GPC6: variants seen among roughly 807,000 people sequenced by gnomAD.
The protein encoded by GPC6 is glypican 6.
A neutral mutation model predicts 55.2 loss-of-function variants in GPC6; 14 were observed. That is an observed-to-expected ratio of 0.25 (90% CI 0.17 to 0.40). The LOEUF (loss-of-function observed/expected upper bound fraction) is 0.40. GPC6 is among the 10% of genes least tolerant of loss of function. The pLI is 1.00. For missense variants in GPC6, 641 were observed against 708.5 expected, an observed-to-expected ratio of 0.90 and a Z score of 1.08; for synonymous variants, 278 against 259.6, an observed-to-expected ratio of 1.07 and a Z score of -0.68.
At chr13:93,846,039 C>G (rs1413280878) in intron 3 of GPC6, among the ~76,000 whole-genome samples, 2 of 151,666 alleles carry the variant, frequency 1.3e-5, no homozygotes, top group Non-Finnish European at 2.9e-5. Context: ...AAGAAGAAAA[C>G]TCTACTATTT....
intron 4 of GPC6, among the ~76,000 whole-genome samples, chr13:94,121,076 A>G (rs74105731): frequency 0.024 from 3,662 of 152,186 alleles, 66 homozygotes; most frequent in South Asian, 0.08. Context: ...GAAAATGTTA[A>G]TGGAGAATCA....
intron 4 of GPC6, among the ~76,000 whole-genome samples, chr13:94,122,041 G>T (rs1463140222): frequency 1.3e-5 from 2 of 152,014 alleles, no homozygotes; most frequent in African/African-American, 4.8e-5. Context: ...TAGTTTATGG[G>T]GCACCCTAAA....
intron 2 of GPC6, among the ~76,000 whole-genome samples, chr13:93,703,233 G>A (rs1433120211): frequency 6.6e-6 from 1 of 151,876 alleles, no homozygotes; most frequent in Non-Finnish European, 1.5e-5. Flanking sequence ...CAAGGGAATG[G>A]TCAGTGAGTA....
chr13:94,225,370 C>A lies in GPC6; in HGVS notation c.878-60979C>A, dbSNP rs374218443. Among the ~76,000 whole-genome samples, 6 of 152,164 alleles carry A rather than the reference C, an allele frequency of 3.9e-5. No homozygotes were observed. In the South Asian group the frequency reaches 6.2e-4, roughly 16 times the overall value. ...TCAGCCTTCGTCCACCCAAGCTTTA[C>A]CATAAGTTTGATATTTGTTCTTTCT... On this transcript the variant is annotated intron_variant, in intron 4 of 8. Coordinates refer to ENST00000377047, the MANE Select transcript of GPC6 (RefSeq NM_005708.5).
chr13:94,149,469 C>T (rs371643827), intron 4 of GPC6, among the ~76,000 whole-genome samples: 26 of 152,226 alleles, frequency 1.7e-4, no homozygotes, highest in African/African-American at 5.1e-4. Context: ...TAGAACATAA[C>T]TTAAGTGCGA....
At chr13:93,626,932 G>A (rs1276284712) in intron 2 of GPC6, among the ~76,000 whole-genome samples, 1 of 152,140 alleles carries the variant, frequency 6.6e-6, no homozygotes, top group Admixed American at 6.6e-5. Context: ...CATGGTAGAA[G>A]GCAAAGGGGG....
Position 93,692,170 on chromosome 13 carries a change from C to A in GPC6, c.320-137984C>A, listed in dbSNP as rs1487586779. 2.0e-5 allele frequency among the ~76,000 whole-genome samples: 3 copies of A among 152,140 alleles called. 1 individual carries two copies. Among genetic ancestry groups the A allele is most frequent in the African/African-American group, 4.8e-5 (2 of 41,546 alleles). On this transcript the variant is annotated intron_variant, in intron 2 of 8. Coordinates refer to ENST00000377047, the MANE Select transcript of GPC6 (RefSeq NM_005708.5). ...TGATTTTTCTGCTTCACTGTGTTGC[C>A]TTTTGCCCATGGAATAAGATGCGAC...
intron 4 of GPC6, among the ~76,000 whole-genome samples, chr13:94,164,679 A>G (rs1888287790): frequency 6.6e-6 from 1 of 152,204 alleles, no homozygotes; most frequent in Non-Finnish European, 1.5e-5. Flanking sequence ...TGATTTCTAC[A>G]GTGATAGAGC....
intron 1 of GPC6, among the ~76,000 whole-genome samples, chr13:93,521,056 T>C (rs551131121): frequency 1.3e-5 from 2 of 152,106 alleles, no homozygotes; most frequent in South Asian, 4.1e-4. Flanking sequence ...ACGTATATGT[T>C]AGATTTTGTA....
At chr13:93,795,450 C>G (rs9589837) in intron 2 of GPC6, among the ~76,000 whole-genome samples, 50,084 of 151,868 alleles carry the variant, frequency 0.33, 8,670 homozygotes, top group African/African-American at 0.43. Context: ...GTTTTCCTAG[C>G]CCTCACTCAA....
At chr13:93,562,227 A>C (rs1875850675) in intron 2 of GPC6, among the ~76,000 whole-genome samples, 1 of 152,102 alleles carries the variant, frequency 6.6e-6, no homozygotes, top group African/African-American at 2.4e-5. Flanking sequence ...AGAATGCAGT[A>C]GTTACAGAGC....
intron 2 of GPC6, among the ~76,000 whole-genome samples, chr13:93,688,128 C>T (rs936521496): frequency 6.6e-6 from 1 of 152,022 alleles, no homozygotes; most frequent in African/African-American, 2.4e-5. Flanking sequence ...GTCAACGTTT[C>T]AATTTATCAA....
At chr13:93,814,886 G>T (rs1265806926) in intron 2 of GPC6, among the ~76,000 whole-genome samples, 1 of 152,144 alleles carries the variant, frequency 6.6e-6, no homozygotes, top group Non-Finnish European at 1.5e-5. Context: ...ACCATCAGCA[G>T]TTCAAAAACA....
chr13:94,148,860 A>G (rs1040375432), intron 4 of GPC6, among the ~76,000 whole-genome samples: 2 of 152,126 alleles, frequency 1.3e-5, no homozygotes, highest in Non-Finnish European at 2.9e-5. Flanking sequence ...TAGAGTTTCA[A>G]TGACCTCATC....
chr13:93,821,555 G>C (rs1887047286), intron 2 of GPC6, among the ~76,000 whole-genome samples: 2 of 152,256 alleles, frequency 1.3e-5, no homozygotes, highest in African/African-American at 2.4e-5. Context: ...TACAAATTTA[G>C]GACATTGGGA....
At chr13:94,246,010 A>T (rs1161994505) in intron 4 of GPC6, among the ~76,000 whole-genome samples, 1 of 151,956 alleles carries the variant, frequency 6.6e-6, no homozygotes, top group African/African-American at 2.4e-5. Context: ...TTTTCTCCGC[A>T]CCCTTGACAA....
chr13:93,833,689 ACAG>A (rs898717092), intron 3 of GPC6, among the ~76,000 whole-genome samples: 12 of 152,172 alleles, frequency 7.9e-5, no homozygotes, highest in Non-Finnish European at 1.6e-4. Flanking sequence ...TTGGCAGAAC[ACAG>A]CAGTTTGACA....
intron 1 of GPC6, among the ~76,000 whole-genome samples, chr13:93,352,128 G>T (rs1272237952): frequency 6.6e-6 from 1 of 152,086 alleles, no homozygotes; most frequent in Non-Finnish European, 1.5e-5. Context: ...TCCCTTTTGA[G>T]GTGATAAGAA....
chr13:93,511,022 AT>A (rs1880949735), intron 1 of GPC6, among the ~76,000 whole-genome samples: 1 of 29,408 alleles, frequency 3.4e-5, no homozygotes, highest in African/African-American at 7.7e-5. Flanking sequence ...TCCTTTGGCC[AT>A]TTTTTAATGA....
Sources: allele counts gnomAD v4.1 joint callset (sites outside exome capture counted in the v4.1 genomes callset), GRCh38; gene constraint gnomAD v4.1.1; transcripts MANE v1.5; gene names NCBI Gene and HGNC (gene_info 2026-07-23, HGNC 2026-07-21).